Variants in WDHD1 observed in about 807,000 individuals in gnomAD.
WDHD1 encodes the protein WD repeat and HMG-box DNA binding protein 1.
In WDHD1, 111 loss-of-function variants were observed where a neutral mutation model predicts 135.4. That is an observed-to-expected ratio of 0.82 (90% CI 0.70 to 0.96). The LOEUF (loss-of-function observed/expected upper bound fraction) is 0.96, where lower values mean the gene tolerates loss of function less well. WDHD1 is among the 40% of genes least tolerant of loss of function. The probability of loss-of-function intolerance (pLI) is 0.00; values close to 1 mark genes in which losing one functional copy is unlikely to be tolerated. For missense variants in WDHD1, 1,351 were observed against 1,336.3 expected, an observed-to-expected ratio of 1.01 and a Z score of -0.17; for synonymous variants, 434 against 439.0, an observed-to-expected ratio of 0.99 and a Z score of 0.14.
intron 2 of WDHD1, among the ~76,000 whole-genome samples, chr14:55,025,902 C>G (rs1288882498): frequency 6.6e-6 from 1 of 152,220 alleles, no homozygotes; most frequent in African/African-American, 2.4e-5. Context: ...TTAATGCCTG[C>G]TCCGTCTTCA....
Position 55,000,960 on chromosome 14 carries a change from C to T in WDHD1, c.726G>A (p.Gly242=). 6.3e-7 allele frequency: 1 copy of T among 1,588,960 alleles called. No homozygotes were observed. The highest frequency in any genetic ancestry group is 8.6e-7 in the Non-Finnish European group (1 of 1,168,902). Residue 242 remains glycine (G), a synonymous_variant, in exon 9 of 26, where the codon GGG becomes GGA. Transcript: ENST00000360586. ...TAATACTACCTGCAGCTAAATATTG[C>T]CCACAGGGAGACCAGGTTACTATAT... ...TLNIVTWSPC[G]QYLAAGSING... is the part of the protein sequence containing the mutation.
chr14:54,955,164 T>C (rs1314488740), intron 24 of WDHD1, among the ~76,000 whole-genome samples: 1 of 152,212 alleles, frequency 6.6e-6, no homozygotes, highest in African/African-American at 2.4e-5. Flanking sequence ...AGAATAATTT[T>C]GGAAAGTTCC....
At chr14:55,007,803 G>C (rs2042097426) in intron 6 of WDHD1, among the ~76,000 whole-genome samples, 1 of 152,176 alleles carries the variant, frequency 6.6e-6, no homozygotes, top group African/African-American at 2.4e-5. Context: ...TATTTCTCTA[G>C]TCAATTACAT....
chr14:55,024,112 T>C (rs2042394119), intron 2 of WDHD1, among the ~76,000 whole-genome samples: 2 of 152,234 alleles, frequency 1.3e-5, no homozygotes, highest in Non-Finnish European at 2.9e-5. Flanking sequence ...CTAATATGTG[T>C]ATTGAAAAAA....
intron 16 of WDHD1, 101 bp from the exon 17 acceptor site, chr14:54,967,495 AT>A (rs1427336624): frequency 2.6e-5 from 18 of 699,430 alleles, no homozygotes; most frequent in Non-Finnish European, 1.2e-5. Context: ...GAATAGTAAT[AT>A]TATAATAGCT....
At chr14:55,013,905 T>G (rs1214868557) in intron 2 of WDHD1, among the ~76,000 whole-genome samples, 1 of 151,690 alleles carries the variant, frequency 6.6e-6, no homozygotes, top group African/African-American at 2.4e-5. Flanking sequence ...AGACTCTATC[T>G]CAAGGAAAAA....
At chr14:54,980,216 T>G (rs1290429136) in intron 16 of WDHD1, among the ~76,000 whole-genome samples, 5 of 151,388 alleles carry the variant, frequency 3.3e-5, no homozygotes, top group Non-Finnish European at 7.4e-5. Flanking sequence ...CTTGGAAGGC[T>G]AAGGTGGGAG....
rs567870468 is a variant in WDHD1 at position 55,017,843 on chromosome 14, T to C, written c.78-4247A>G. The stretch of plus-strand genomic sequence containing the variant: ...GAATTTTTGAAAAAAACATGTTTTG[T>C]TTCTGTTTTTGTTGCCCAGGCTGGA... On this transcript the variant is annotated intron_variant, in intron 2 of 25. Transcript: ENST00000360586. Among the ~76,000 whole-genome samples, 3 of 151,770 alleles carry C rather than the reference T, an allele frequency of 2.0e-5. No homozygotes were observed. The South Asian group carries it at 6.2e-4, about 32-fold the overall frequency.
At chr14:54,994,032 G>A (rs897051489) in intron 11 of WDHD1, among the ~76,000 whole-genome samples, 1 of 151,942 alleles carries the variant, frequency 6.6e-6, no homozygotes, top group South Asian at 2.1e-4. Flanking sequence ...ACTTGATAAT[G>A]TTCAAGTGTT....
At chr14:55,007,112 C>T (rs1213266952) in intron 7 of WDHD1, among the ~76,000 whole-genome samples, 168 bp downstream of exon 7, 2 of 151,702 alleles carry the variant, frequency 1.3e-5, no homozygotes, top group Non-Finnish European at 2.9e-5. Flanking sequence ...CCTGTAATCC[C>T]AGCTACTCGG....
At chr14:55,003,177 G>C (rs2042003088) in intron 7 of WDHD1, among the ~76,000 whole-genome samples, 1 of 151,814 alleles carries the variant, frequency 6.6e-6, no homozygotes, top group African/African-American at 2.4e-5. Flanking sequence ...ACATTTCCTT[G>C]AGCTCAATTA....
At position 54,941,183 on chromosome 14, in the gene WDHD1, T is replaced by A. The variant is rs926135554; in HGVS notation, c.*307A>T. ...TTAATGCACAAAGGTTTTAATACCT[T>A]GGCTTTAATGATTTTTCAAGGTTAA... On this transcript the variant is annotated 3_prime_UTR_variant, in exon 26 of 26. Coordinates refer to ENST00000360586, the MANE Select transcript of WDHD1 (RefSeq NM_007086.4). The A allele has an allele frequency of 4.6e-6, 1 of 215,286 alleles. No individual in the cohort carries two copies. The highest frequency in any genetic ancestry group is 9.2e-6 in the Non-Finnish European group (1 of 109,170). The allele number at this position is 215,286 out of a possible 1,614,324, so 13.3% of individuals were successfully genotyped here. A position where few individuals can be genotyped will look rare whatever the true frequency, so the allele number is the denominator to read the frequency against.
At chr14:54,995,972 A>G (rs1385323795) in intron 10 of WDHD1, among the ~76,000 whole-genome samples, 159 bp from the exon 11 acceptor site, 1 of 152,222 alleles carries the variant, frequency 6.6e-6, no homozygotes, top group Non-Finnish European at 1.5e-5. Context: ...TGAGAATTGT[A>G]TTTATATTTA....
At chr14:54,968,765 G>A (rs1369050492) in intron 16 of WDHD1, among the ~76,000 whole-genome samples, 1 of 152,134 alleles carries the variant, frequency 6.6e-6, no homozygotes, top group African/African-American at 2.4e-5. Flanking sequence ...AAAATTTAGA[G>A]GAAATGGGCT....
chr14:54,971,847 C>A (rs571579194), intron 16 of WDHD1, among the ~76,000 whole-genome samples: 1 of 151,806 alleles, frequency 6.6e-6, no homozygotes, highest in African/African-American at 2.4e-5. Flanking sequence ...AAACAAATAT[C>A]CCCAATAAAA....
chr14:55,013,721 T>C lies in WDHD1; in HGVS notation c.78-125A>G, dbSNP rs761620792. On this transcript the variant is annotated intron_variant, in intron 2 of 25. Coordinates refer to ENST00000360586, the MANE Select transcript of WDHD1 (RefSeq NM_007086.4). ...AGGAGTTCAAGACTAGCCTGGATAA[T>C]ACAGAGAGACCTAGTCTCTACAAAA... 8.4e-6 allele frequency: 6 copies of C among 710,778 alleles called. No homozygotes were observed. The East Asian group carries it at 1.6e-4, about 19-fold the overall frequency. 44.0% of individuals were successfully genotyped at this position (710,778 alleles called of 1,614,324 possible).
At chr14:54,975,416 C>T (rs565877538) in intron 16 of WDHD1, among the ~76,000 whole-genome samples, 11 of 151,816 alleles carry the variant, frequency 7.2e-5, no homozygotes, top group African/African-American at 2.2e-4. Flanking sequence ...GGCGCAATCT[C>T]GGCTCACTGC....
At chr14:55,005,556 C>A in intron 7 of WDHD1, 2 of 597,166 alleles carry the variant, frequency 3.3e-6, no homozygotes, top group South Asian at 2.8e-5. Flanking sequence ...ATGTAGATGC[C>A]AACACTTTTC....
chr14:54,948,347 C>T (rs1165716426), intron 24 of WDHD1, among the ~76,000 whole-genome samples: 1 of 152,180 alleles, frequency 6.6e-6, no homozygotes, highest in African/African-American at 2.4e-5. Context: ...TGGGTCACCC[C>T]CACCCTAATA....
Sources: gnomAD v4.1 joint callset for allele counts (sites outside exome capture counted in the v4.1 genomes callset) on GRCh38, gnomAD v4.1.1 for gene constraint, MANE v1.5 for transcripts, NCBI Gene and HGNC (gene_info 2026-07-23, HGNC 2026-07-21) for gene names.